The following ARHGEF26 variants were observed in gnomAD, a reference collection of about 807,000 sequenced individuals.
ARHGEF26 encodes the protein Rho guanine nucleotide exchange factor (GEF) 26.
ARHGEF26 carries 59 observed loss-of-function variants against 89.4 expected under a neutral mutation model. The ratio of observed to expected loss-of-function variants is 0.66; its 90% CI spans 0.54 to 0.82. The LOEUF (loss-of-function observed/expected upper bound fraction) is 0.82, where lower values mean the gene tolerates loss of function less well. ARHGEF26 is among the 40% of genes least tolerant of loss of function. ARHGEF26 has a pLI of 0.00. For missense variants in ARHGEF26, 1,234 were observed against 1,085.6 expected, an observed-to-expected ratio of 1.14 and a Z score of -1.92; for synonymous variants, 500 against 428.4, an observed-to-expected ratio of 1.17 and a Z score of -2.06.
At chr3:154,127,043 A>AT (rs1489581016) in intron 3 of ARHGEF26, among the ~76,000 whole-genome samples, 2 of 152,184 alleles carry the variant, frequency 1.3e-5, no homozygotes, top group Non-Finnish European at 2.9e-5. Flanking sequence ...GTACTCTTCT[A>AT]TAGGACTCTT....
Position 154,237,538 on chromosome 3 carries a change from TCACACA to T in ARHGEF26, c.2091-2802_2091-2797del, listed in dbSNP as rs71152796. 1.0e-3 allele frequency among the ~76,000 whole-genome samples: 147 copies of T among 143,294 alleles called. 1 individual carries two copies. The South Asian group carries it at 0.01, about 10-fold the overall frequency. The allele number at this position is 143,294 out of a possible 152,430, so 94.0% of individuals were successfully genotyped here. On this transcript the variant is annotated intron_variant, in intron 11 of 14. Coordinates refer to ENST00000465093, the MANE Select transcript of ARHGEF26 (RefSeq NM_015595.4). ...GCCTGGGTGACAGAGTGAGACTCCG[TCACACA>T]CACACACACACACACACACACACAC...
chr3:154,191,103 T>C (rs1313322733), intron 7 of ARHGEF26, among the ~76,000 whole-genome samples, 186 bp from the exon 8 acceptor site: 2 of 152,196 alleles, frequency 1.3e-5, no homozygotes, highest in African/African-American at 4.8e-5. Context: ...TATTCAGCCT[T>C]GAATATAAAA....
intron 6 of ARHGEF26, among the ~76,000 whole-genome samples, chr3:154,176,647 C>T (rs2108151751): frequency 6.6e-6 from 1 of 152,146 alleles, no homozygotes; most frequent in East Asian, 1.9e-4. Context: ...ATGAGGCGTG[C>T]CTCTGTGTGC....
At chr3:154,196,927 T>C (rs116312513) in intron 9 of ARHGEF26, among the ~76,000 whole-genome samples, 3 of 152,010 alleles carry the variant, frequency 2.0e-5, no homozygotes, top group Admixed American at 6.6e-5. Context: ...AATAGGAAGG[T>C]ACTAGTAGTT....
chr3:154,234,410 G>GC (rs1344649520), intron 11 of ARHGEF26, among the ~76,000 whole-genome samples: 1 of 152,150 alleles, frequency 6.6e-6, no homozygotes, highest in Non-Finnish European at 1.5e-5. Flanking sequence ...CACAAGGCAG[G>GC]CCGTTAAAGG....
Position 154,256,376 on chromosome 3 carries a change from C to A in ARHGEF26, c.*903C>A. On this transcript the variant is annotated 3_prime_UTR_variant, in exon 15 of 15. Coordinates refer to ENST00000465093, the MANE Select transcript of ARHGEF26 (RefSeq NM_015595.4). Reference sequence around the variant, plus strand: ...TAGCTGGGATTGTAAGAGTATGCCACCACGCCCAGCTACTTTTTGTATTTT... The same window carrying A: ...TAGCTGGGATTGTAAGAGTATGCCAACACGCCCAGCTACTTTTTGTATTTT... 1 of 756,396 alleles carries A rather than the reference C, an allele frequency of 1.3e-6. No individual in the cohort carries two copies. The highest frequency in any genetic ancestry group is 1.6e-6 in the Non-Finnish European group (1 of 622,600). The allele number at this position is 756,396 out of a possible 1,614,324, so 46.9% of individuals were successfully genotyped here.
At chr3:154,251,432 A>G (rs1220570344) in intron 12 of ARHGEF26, among the ~76,000 whole-genome samples, 1 of 152,202 alleles carries the variant, frequency 6.6e-6, no homozygotes, top group Non-Finnish European at 1.5e-5. Context: ...ATTGGGCTCA[A>G]TATGTGATGA....
intron 6 of ARHGEF26, among the ~76,000 whole-genome samples, chr3:154,175,005 G>A (rs111768965): frequency 2.0e-5 from 3 of 152,080 alleles, no homozygotes; most frequent in Non-Finnish European, 2.9e-5. Flanking sequence ...AGTGCCCTCC[G>A]CATGCAAGTC....
At chr3:154,236,888 G>A (rs1263503155) in intron 11 of ARHGEF26, among the ~76,000 whole-genome samples, 1 of 152,220 alleles carries the variant, frequency 6.6e-6, no homozygotes, top group Non-Finnish European at 1.5e-5. Flanking sequence ...GATATTGGGT[G>A]ATAGTAAATT....
At position 154,152,903 on chromosome 3, in the gene ARHGEF26, T is replaced by C. The variant is rs1720110685; in HGVS notation, c.1458T>C (p.Asn486=). 2 of 1,598,428 alleles carry C rather than the reference T, an allele frequency of 1.3e-6. No individual in the cohort carries two copies. The highest frequency in any genetic ancestry group is 3.5e-5 in the Admixed American group (2 of 57,866). ...CCGAGAGGCACCATCTTTTCTCCAA[T>C]ATTACAGATGTCTGTGAGGCAAGCA... ...TKTERHHLFS[N]ITDVCEASKK... Residue 486 remains asparagine (N), a synonymous_variant, in exon 6 of 15, where the codon AAT becomes AAC. Coordinates refer to ENST00000465093, the MANE Select transcript of ARHGEF26 (RefSeq NM_015595.4).
chr3:154,138,255 T>C (rs1719143400), intron 4 of ARHGEF26, among the ~76,000 whole-genome samples: 1 of 152,070 alleles, frequency 6.6e-6, no homozygotes. Context: ...TTTTTAATAA[T>C]TTTTGTTTTT....
chr3:154,190,891 T>C (rs977013637), intron 7 of ARHGEF26, among the ~76,000 whole-genome samples: 1 of 152,180 alleles, frequency 6.6e-6, no homozygotes, highest in African/African-American at 2.4e-5. Context: ...TTAAAACATA[T>C]TATTTATGAT....
intron 4 of ARHGEF26, among the ~76,000 whole-genome samples, chr3:154,147,981 T>A (rs1719799172): frequency 6.6e-6 from 1 of 152,216 alleles, no homozygotes; most frequent in Non-Finnish European, 1.5e-5. Context: ...CTCTGAAATC[T>A]TCTTGCCTGT....
chr3:154,122,340 C>G lies in ARHGEF26; in HGVS notation c.348C>G (p.Leu116=). Residue 116 remains leucine, a synonymous_variant, in exon 2 of 15, where the codon CTC becomes CTG. Transcript: ENST00000465093. ...TTCGACGGCCCAAGTCACCCAAGCTCCCCAAAGCGGTGCCTGGCGGCTCCC... is the reference window on the plus strand; with the variant it reads ...TTCGACGGCCCAAGTCACCCAAGCTGCCCAAAGCGGTGCCTGGCGGCTCCC... ...PRLRRPKSPK[L]PKAVPGGSPK... is the part of the protein sequence containing the mutation. The G allele has an allele frequency of 6.2e-7, 1 of 1,612,726 alleles. No homozygotes were observed. The highest frequency in any genetic ancestry group is 8.5e-7 in the Non-Finnish European group (1 of 1,179,788).
chr3:154,194,613 A>G (rs375158254), intron 8 of ARHGEF26, 31 bp from the exon 9 acceptor site: 9 of 1,504,564 alleles, frequency 6.0e-6, no homozygotes, highest in East Asian at 2.3e-5. Flanking sequence ...AAATAGATCA[A>G]TAAATTTTGT....
At chr3:154,216,453 T>A (rs1715727903) in intron 9 of ARHGEF26, among the ~76,000 whole-genome samples, 1 of 150,672 alleles carries the variant, frequency 6.6e-6, no homozygotes, top group South Asian at 2.1e-4. Context: ...TAGGCTCCCC[T>A]GCAAGACTTC....
At chr3:154,191,504 T>A in intron 8 of ARHGEF26, 86 bp downstream of exon 8, 1 of 1,464,794 alleles carries the variant, frequency 6.8e-7, no homozygotes. Context: ...TCCACTTAAA[T>A]TGATGCATAT....
chr3:154,143,264 A>T (rs1419634956), intron 4 of ARHGEF26, among the ~76,000 whole-genome samples: 1 of 152,240 alleles, frequency 6.6e-6, no homozygotes, highest in Non-Finnish European at 1.5e-5. Context: ...ATTTAAAAAT[A>T]TATAGAAGGA....
rs1469455312 is a variant in ARHGEF26, at chr3:154,256,321, C to T, written c.*848C>T. 6 of 921,966 alleles carry T rather than the reference C, an allele frequency of 6.5e-6. No individual in the cohort carries two copies. The African/African-American group carries it at 1.1e-4, about 17-fold the overall frequency. The allele number at this position is 921,966 out of a possible 1,614,324, so 57.1% of individuals were successfully genotyped here. A position where few individuals can be genotyped will look rare whatever the true frequency, so the allele number is the denominator to read the frequency against. ...CACTGCAACCTCTGCTTCCTAGGTT[C>T]AAGTGATTCTCCTGCCTCAGCCTCC... On this transcript the variant is annotated 3_prime_UTR_variant, in exon 15 of 15. Transcript: ENST00000465093.
Sources: allele counts gnomAD v4.1 joint callset (sites outside exome capture counted in the v4.1 genomes callset), GRCh38; gene constraint gnomAD v4.1.1; transcripts MANE v1.5; gene names NCBI Gene and HGNC (gene_info 2026-07-23, HGNC 2026-07-21).